VAV2: variants seen among roughly 807,000 people sequenced by gnomAD.
VAV2 encodes vav guanine nucleotide exchange factor 2.
A neutral mutation model predicts 132.5 loss-of-function variants in VAV2; 67 were observed. That is an observed-to-expected ratio of 0.51 (90% CI 0.42 to 0.62). VAV2 has a LOEUF of 0.62. Among genes scored for constraint, VAV2 ranks in the 20% least tolerant of loss-of-function variants. The pLI, the probability that VAV2 is intolerant of heterozygous loss-of-function variation, is 0.00. For synonymous variants in VAV2, 492 were observed against 443.5 expected (o/e 1.11, Z -1.37); for missense variants, 938 against 1,153.6 (o/e 0.81, Z 2.71).
At chr9:133,871,407 T>C (rs1349997636) in intron 2 of VAV2, among the ~76,000 whole-genome samples, 2 of 146,248 alleles carry the variant, frequency 1.4e-5, no homozygotes, top group Admixed American at 6.7e-5. Flanking sequence ...GACGGACGGA[T>C]GGATGGATGG....
At chr9:133,889,026 A>C (rs528166042) in intron 2 of VAV2, among the ~76,000 whole-genome samples, 1 of 152,214 alleles carries the variant, frequency 6.6e-6, no homozygotes, top group Non-Finnish European at 1.5e-5. Context: ...GGGAAGCCTC[A>C]CTTCTGAGGA....
In VAV2 at chr9:133,913,604, G is replaced by A. The variant is rs770455109; in HGVS notation, c.321+25499C>T. ...GGTCCCAGGAGGCGGGGGACCGGACGCGCACACAGTAGGTGCACAATCGAC... is the reference window on the plus strand; with the variant it reads ...GGTCCCAGGAGGCGGGGGACCGGACACGCACACAGTAGGTGCACAATCGAC... On this transcript the variant is annotated intron_variant, in intron 2 of 29. Coordinates refer to ENST00000371850, the MANE Select transcript of VAV2 (RefSeq NM_001134398.2). Among the ~76,000 whole-genome samples the A allele has an allele frequency of 8.0e-4, 122 of 152,320 alleles. 1 individual carries two copies. In the Middle Eastern group the frequency reaches 0.014, roughly 17 times the overall value.
intron 1 of VAV2, among the ~76,000 whole-genome samples, chr9:133,947,614 G>A (rs1477287266): frequency 2.6e-5 from 4 of 151,236 alleles, no homozygotes; most frequent in Non-Finnish European, 5.9e-5. Context: ...CAGAAGAATC[G>A]ATTGAACTCG....
intron 1 of VAV2, among the ~76,000 whole-genome samples, chr9:133,947,339 G>A (rs946761184): frequency 6.6e-6 from 1 of 152,134 alleles, no homozygotes; most frequent in African/African-American, 2.4e-5. Context: ...AGGGGGCGGG[G>A]GTGGTCCCTT....
rs540808957 is a variant in VAV2 at position 133,991,794 on chromosome 9, C to A, written c.204+281G>T. 4.0e-5 allele frequency among the ~76,000 whole-genome samples: 6 copies of A among 151,196 alleles called. No individual in the cohort carries two copies. The highest frequency in any genetic ancestry group is 1.4e-4 in the African/African-American group (6 of 41,444). Reference sequence around the variant, plus strand: ...GCGAGCGCAGCGCCGGAGCCTCCCCCATCCCAGGCCGCGCAGACCGCGGAA... The same window carrying A: ...GCGAGCGCAGCGCCGGAGCCTCCCCAATCCCAGGCCGCGCAGACCGCGGAA... On this transcript the variant is annotated intron_variant, in intron 1 of 29. Transcript: ENST00000371850. This position sits in a 1 kb window ranked among gnomAD's most constrained non-coding sequence, Gnocchi z 4.8.
intron 2 of VAV2, among the ~76,000 whole-genome samples, chr9:133,922,437 G>A (rs915938278): frequency 6.6e-6 from 1 of 152,272 alleles, no homozygotes; most frequent in Non-Finnish European, 1.5e-5. Context: ...CCCCTTCACA[G>A]TGAGCAGCTG....
intron 1 of VAV2, among the ~76,000 whole-genome samples, chr9:133,941,095 T>C (rs1841132642): frequency 6.6e-6 from 1 of 152,104 alleles, no homozygotes; most frequent in South Asian, 2.1e-4. Context: ...TAGACACCTG[T>C]GCCCACCAAA....
intron 1 of VAV2, among the ~76,000 whole-genome samples, chr9:133,959,309 G>A (rs67061295): frequency 0.052 from 7,989 of 152,208 alleles, 278 homozygotes; most frequent in Middle Eastern, 0.12. Context: ...ACAGACCCAG[G>A]CCCTGCACCC....
intron 1 of VAV2, among the ~76,000 whole-genome samples, chr9:133,987,728 C>T (rs1434334486): frequency 6.6e-6 from 1 of 152,224 alleles, no homozygotes; most frequent in Non-Finnish European, 1.5e-5. Flanking sequence ...GATGCTGGCA[C>T]AGGCAACCTC....
intron 2 of VAV2, among the ~76,000 whole-genome samples, chr9:133,874,538 C>T (rs1248626812): frequency 6.6e-6 from 1 of 152,174 alleles, no homozygotes; most frequent in Non-Finnish European, 1.5e-5. Context: ...GTCACTGCCT[C>T]CAAGGTACAA....
At chr9:133,917,973 C>T (rs1033110334) in intron 2 of VAV2, among the ~76,000 whole-genome samples, 1 of 151,720 alleles carries the variant, frequency 6.6e-6, no homozygotes, top group Admixed American at 6.6e-5. Context: ...GCCACTTCCA[C>T]GAGCACAACT....
At chr9:133,861,571 G>A (rs1293782709) in intron 2 of VAV2, 139 bp from the exon 3 acceptor site, 18 of 885,750 alleles carry the variant, frequency 2.0e-5, no homozygotes, top group East Asian at 2.9e-5. Context: ...ACGGCATAGC[G>A]TTTTGTAGGC....
intron 19 of VAV2, among the ~76,000 whole-genome samples, chr9:133,781,268 G>A (rs1333758267): frequency 6.6e-6 from 1 of 152,228 alleles, no homozygotes; most frequent in Admixed American, 6.5e-5. Context: ...TAGGTGCCAG[G>A]AGAGCCAATG....
intron 2 of VAV2, among the ~76,000 whole-genome samples, chr9:133,874,522 G>A (rs1446300050): frequency 1.3e-5 from 2 of 152,164 alleles, no homozygotes; most frequent in Non-Finnish European, 2.9e-5. Flanking sequence ...GCTGCCTAGC[G>A]CGTGAGTCAC....
At position 133,764,017 on chromosome 9, in the gene VAV2, T is replaced by C. The variant is rs1314753932; in HGVS notation, c.*45A>G. Reference sequence around the variant, plus strand: ...CTAGAGACAGACTTCAGGGCTGGAGTGACTCTCCCAAGAAAATCTGCGAGT... The same window carrying C: ...CTAGAGACAGACTTCAGGGCTGGAGCGACTCTCCCAAGAAAATCTGCGAGT... On this transcript the variant is annotated 3_prime_UTR_variant, in exon 30 of 30. Transcript: ENST00000371850. The C allele has an allele frequency of 3.7e-6, 6 of 1,611,700 alleles. No homozygotes were observed. Among genetic ancestry groups the C allele is most frequent in the African/African-American group, 1.3e-5 (1 of 74,832 alleles).
intron 9 of VAV2, among the ~76,000 whole-genome samples, chr9:133,800,361 A>G (rs759648597): frequency 1.3e-5 from 2 of 152,246 alleles, no homozygotes; most frequent in Non-Finnish European, 2.9e-5. Context: ...GAGCTTCCCA[A>G]GACCGCCTGG....
At chr9:133,939,899 A>G (rs1841073764) in intron 1 of VAV2, among the ~76,000 whole-genome samples, 1 of 152,212 alleles carries the variant, frequency 6.6e-6, no homozygotes, top group African/African-American at 2.4e-5. Flanking sequence ...AAATCAATGC[A>G]TGGGTCATCT....
chr9:133,876,924 G>C (rs1292962180), intron 2 of VAV2, among the ~76,000 whole-genome samples: 1 of 152,116 alleles, frequency 6.6e-6, no homozygotes, highest in African/African-American at 2.4e-5. Flanking sequence ...GGCCACCGGG[G>C]TCTGGACGCA....
chr9:133,884,733 T>A lies in VAV2; in HGVS notation c.322-23301A>T, dbSNP rs35233677. Among the ~76,000 whole-genome samples, 1 of 152,134 alleles carries A rather than the reference T, an allele frequency of 6.6e-6. No homozygotes were observed. The highest frequency in any genetic ancestry group is 1.5e-5 in the Non-Finnish European group (1 of 68,026). On this transcript the variant is annotated intron_variant, in intron 2 of 29. Transcript: ENST00000371850. This position sits in a 1 kb window ranked among gnomAD's most constrained non-coding sequence, Gnocchi z 5.3. ...TTAACTCCAAAGATTTTTAATTAGC[T>A]TTATTCACTCAAAACACACGGATAA...
Sources: gnomAD v4.1 joint callset for allele counts (sites outside exome capture counted in the v4.1 genomes callset) on GRCh38, gnomAD v4.1.1 for gene constraint, Gnocchi (gnomAD v3.1) non-coding constraint, MANE v1.5 for transcripts, NCBI Gene and HGNC (gene_info 2026-07-23, HGNC 2026-07-21) for gene names.